Variants in PGLYRP4 observed in about 807,000 individuals in gnomAD.
The protein encoded by PGLYRP4 is peptidoglycan recognition protein 4, also known as PGRP-I-beta.
A neutral mutation model predicts 41.2 loss-of-function variants in PGLYRP4; 39 were observed. The ratio of observed to expected loss-of-function variants is 0.95; its 90% CI spans 0.73 to 1.24. PGLYRP4 has a LOEUF of 1.24. Among genes scored for constraint, PGLYRP4 ranks in the 50% most tolerant of loss-of-function variants. PGLYRP4 has a pLI of 0.00. For missense variants in PGLYRP4, 467 were observed against 460.7 expected, an observed-to-expected ratio of 1.01 and a Z score of -0.13; for synonymous variants, 202 against 186.8, an observed-to-expected ratio of 1.08 and a Z score of -0.66.
Position 153,346,309 on chromosome 1 carries a change from C to T in PGLYRP4, c.50-118G>A. On this transcript the variant is annotated intron_variant, in intron 2 of 8. Transcript: ENST00000359650. ...ACTGCCCCTCTGCCTCCTCAAATCC[C>T]AGAGCCTCCTCTAAGAAATCTCTCT... 5.2e-6 allele frequency: 4 copies of T among 765,104 alleles called. No homozygotes were observed. The South Asian group carries it at 6.1e-5, about 12-fold the overall frequency. The allele number at this position is 765,104 out of a possible 1,614,324, so 47.4% of individuals were successfully genotyped here. A position where few individuals can be genotyped will look rare whatever the true frequency, so the allele number is the denominator to read the frequency against.
At chr1:153,331,029 C>G in intron 8 of PGLYRP4, 84 bp from the exon 9 acceptor site, 1 of 1,142,380 alleles carries the variant, frequency 8.8e-7, no homozygotes, top group South Asian at 1.7e-5. Flanking sequence ...ACCCTCATCA[C>G]CAAGCTAATA....
chr1:153,335,617 C>T (rs960546116), intron 8 of PGLYRP4, among the ~76,000 whole-genome samples: 2 of 149,790 alleles, frequency 1.3e-5, no homozygotes, highest in Non-Finnish European at 2.9e-5. Flanking sequence ...CCTAGCTACT[C>T]GGGAGGCTGA....
Position 153,332,884 on chromosome 1 carries a change from T to C in PGLYRP4, c.944-1939A>G, listed in dbSNP as rs566242813. Among the ~76,000 whole-genome samples, 15 of 151,672 alleles carry C rather than the reference T, an allele frequency of 9.9e-5. No homozygotes were observed. In the South Asian group the frequency reaches 2.5e-3, roughly 25 times the overall value. On this transcript the variant is annotated intron_variant, in intron 8 of 8. Transcript: ENST00000359650. ...GCCTCTGGGATACAACAAAAAACAG[T>C]GATAAGATGGAATGTTACAGCATCA...
At chr1:153,342,656 A>T (rs569674109) in intron 5 of PGLYRP4, among the ~76,000 whole-genome samples, 1 of 152,262 alleles carries the variant, frequency 6.6e-6, no homozygotes, top group South Asian at 2.1e-4. Flanking sequence ...TTTTTTTAGA[A>T]ATATATAGAA....
intron 8 of PGLYRP4, among the ~76,000 whole-genome samples, chr1:153,336,168 C>T (rs149170806): frequency 2.6e-5 from 4 of 151,368 alleles, no homozygotes; most frequent in Middle Eastern, 3.4e-3. Context: ...GTCAGGAGTT[C>T]GAGACAAGTC....
rs1322844649 is a variant in PGLYRP4, at chr1:153,347,966, T to G, written c.-34A>C. The stretch of plus-strand genomic sequence containing the variant: ...GGTCCCAGGACACCAATCTGGAGAG[T>G]GTGGATGGCAGCCTGAGAGAGACGC... On this transcript the variant is annotated 5_prime_UTR_variant, in exon 2 of 9. Transcript: ENST00000359650. 1 of 1,576,674 alleles carries G rather than the reference T, an allele frequency of 6.3e-7. No individual in the cohort carries two copies. Among genetic ancestry groups the G allele is most frequent in the Admixed American group, 1.7e-5 (1 of 59,320 alleles).
At chr1:153,342,050 G>A (rs1350539063) in intron 5 of PGLYRP4, among the ~76,000 whole-genome samples, 1 of 152,168 alleles carries the variant, frequency 6.6e-6, no homozygotes, top group Non-Finnish European at 1.5e-5. Context: ...ACCAAGCCCA[G>A]CAGCACCCGC....
At chr1:153,347,620 C>T (rs1268911188) in intron 2 of PGLYRP4, among the ~76,000 whole-genome samples, 11 of 152,146 alleles carry the variant, frequency 7.2e-5, no homozygotes, top group Non-Finnish European at 8.8e-5. Context: ...GATCTGCCCA[C>T]CTAGGCCTCC....
chr1:153,331,862 T>C (rs905211450), intron 8 of PGLYRP4: 6 of 152,288 alleles, frequency 3.9e-5, no homozygotes, highest in Admixed American at 3.9e-4. Context: ...CATAAAAACA[T>C]ATGAAAGTAC....
intron 2 of PGLYRP4, 64 bp downstream of exon 2, chr1:153,347,820 C>A: frequency 8.0e-7 from 1 of 1,245,270 alleles, no homozygotes; most frequent in Admixed American, 1.9e-5. Flanking sequence ...TTTTTTAATT[C>A]CTATTATGAG....
chr1:153,346,126 T>C lies in PGLYRP4; in HGVS notation c.115A>G (p.Asn39Asp), dbSNP rs1211694511. The change falls in exon 3 of 9, where the codon AAC (asparagine) becomes GAC (aspartate). Residue 39 changes from asparagine to aspartate, a missense_variant. Transcript: ENST00000359650. ...CCTTTTTCAGTGAGCTGGGAGATGT[T>C]CTCAAATAGGTACTGGAGCCCCTCT... is the stretch of plus-strand genomic sequence containing the variant. The part of the protein sequence containing the change: ...VSEGLQYLFE[N>D]ISQLTEKGLP... 1 of 1,613,670 alleles carries C rather than the reference T, an allele frequency of 6.2e-7. No homozygotes were observed.
At chr1:153,344,079 C>T (rs1438846012) in intron 4 of PGLYRP4, among the ~76,000 whole-genome samples, 3 of 152,148 alleles carry the variant, frequency 2.0e-5, no homozygotes, top group South Asian at 2.1e-4. Flanking sequence ...CAGATAAGCA[C>T]GACAAAGACA....
Position 153,330,709 on chromosome 1 carries a change from G to A in PGLYRP4, c.*58C>T, listed in dbSNP as rs751336126. The A allele has an allele frequency of 1.3e-6, 2 of 1,491,232 alleles. No homozygotes were observed. The highest frequency in any genetic ancestry group is 1.9e-6 in the Non-Finnish European group (2 of 1,078,256). The allele number at this position is 1,491,232 out of a possible 1,614,324, so 92.4% of individuals were successfully genotyped here. On this transcript the variant is annotated 3_prime_UTR_variant, in exon 9 of 9. Transcript: ENST00000359650. ...GGTGTTGAGCCAAGCTGGATGGTTA[G>A]GACAGGAGAGACCTGACAGGGGAGG...
At chr1:153,336,794 G>A (rs1660586925) in intron 8 of PGLYRP4, among the ~76,000 whole-genome samples, 1 of 152,190 alleles carries the variant, frequency 6.6e-6, no homozygotes. Context: ...CACTCTCAGT[G>A]CAAAGACTGG....
intron 8 of PGLYRP4, among the ~76,000 whole-genome samples, chr1:153,332,152 G>A (rs1179281618): frequency 3.3e-5 from 5 of 152,060 alleles, no homozygotes; most frequent in African/African-American, 1.2e-4. Flanking sequence ...CCAAAAAGGA[G>A]GAGGAGTTGC....
intron 7 of PGLYRP4, among the ~76,000 whole-genome samples, chr1:153,339,212 G>C (rs2101564778): frequency 6.6e-6 from 1 of 152,316 alleles, no homozygotes. Context: ...TCCAGTTTAG[G>C]CTTTCCAAAT....
chr1:153,330,923 T>C lies in PGLYRP4; in HGVS notation c.966A>G (p.Ala322=), dbSNP rs2101544467. ...TFTGIPPNAA[A]LEAAQDLIQC... is the part of the protein sequence containing the mutation. Reference sequence around the variant, plus strand: ...GGATCAGGTCTTGGGCTGCCTCTAGTGCTGCAGCATTGGGTGGTATACCTG... The same window carrying C: ...GGATCAGGTCTTGGGCTGCCTCTAGCGCTGCAGCATTGGGTGGTATACCTG... The change falls in exon 9 of 9, where the codon GCA becomes GCG. Residue 322 remains alanine, a synonymous_variant. Coordinates refer to ENST00000359650, the MANE Select transcript of PGLYRP4 (RefSeq NM_020393.4). 1 of 1,613,830 alleles carries C rather than the reference T, an allele frequency of 6.2e-7. No individual in the cohort carries two copies. The highest frequency in any genetic ancestry group is 1.7e-4 in the Middle Eastern group (1 of 6,058).
At chr1:153,343,344 A>G in intron 4 of PGLYRP4, 136 bp from the exon 5 acceptor site, 1 of 636,460 alleles carries the variant, frequency 1.6e-6, no homozygotes, top group South Asian at 2.0e-5. Flanking sequence ...AACTCTTCCC[A>G]GACATTGAAA....
chr1:153,345,092 G>C (rs1004101976), intron 4 of PGLYRP4, 77 bp downstream of exon 4: 11 of 1,077,896 alleles, frequency 1.0e-5, no homozygotes, highest in African/African-American at 6.2e-5. Flanking sequence ...TGAGGAAAAG[G>C]GATGAGAAGG....
Sources: allele counts gnomAD v4.1 joint callset (sites outside exome capture counted in the v4.1 genomes callset), GRCh38; gene constraint gnomAD v4.1.1; transcripts MANE v1.5; gene names NCBI Gene and HGNC (gene_info 2026-07-23, HGNC 2026-07-21).